MALRD1: variants seen among roughly 807,000 people sequenced by gnomAD.
The protein encoded by MALRD1 is MAM and LDL receptor class A domain containing 1.
Under a neutral mutation model 242.1 loss-of-function variants are expected in MALRD1, and 247 were observed. The observed-to-expected ratio is 1.02, with a 90% CI of 0.92 to 1.13. MALRD1 has a LOEUF of 1.13. MALRD1 is among the 50% of genes most tolerant of loss of function. The pLI is 0.00. For synonymous variants in MALRD1, 995 were observed against 866.6 expected, an observed-to-expected ratio of 1.15 and a Z score of -2.60; for missense variants, 2,989 against 2,533.1, an observed-to-expected ratio of 1.18 and a Z score of -3.86.
At chr10:19,394,117 T>G (rs1846468756) in intron 28 of MALRD1, among the ~76,000 whole-genome samples, 1 of 152,200 alleles carries the variant, frequency 6.6e-6, no homozygotes, top group African/African-American at 2.4e-5. Flanking sequence ...AAGCCAGAAG[T>G]GGAGAAAAAT....
intron 19 of MALRD1, among the ~76,000 whole-genome samples, chr10:19,260,360 T>C (rs1839693185): frequency 6.6e-6 from 1 of 152,168 alleles, no homozygotes; most frequent in Non-Finnish European, 1.5e-5. Flanking sequence ...TGTCTCTGTT[T>C]CACGTGGTCC....
At chr10:19,189,040 G>A (rs757692661) in intron 14 of MALRD1, among the ~76,000 whole-genome samples, 43 of 152,072 alleles carry the variant, frequency 2.8e-4, no homozygotes, top group African/African-American at 9.9e-4. Context: ...TAGGGAGAGA[G>A]AGAAAGGGAG....
intron 33 of MALRD1, among the ~76,000 whole-genome samples, chr10:19,575,137 C>A (rs78409339): frequency 0.066 from 10,030 of 152,106 alleles, 1,034 homozygotes; most frequent in African/African-American, 0.22. Flanking sequence ...TGAATTGCCC[C>A]GTTTCACTTA....
chr10:19,165,279 TG>T (rs1211068772), intron 12 of MALRD1, among the ~76,000 whole-genome samples: 31 of 86,796 alleles, frequency 3.6e-4, no homozygotes, highest in Non-Finnish European at 4.4e-5. Flanking sequence ...TGTTTTGTTT[TG>T]TTTTTGTTTT....
At position 19,165,692 on chromosome 10, in the gene MALRD1, C is replaced by G. The variant is rs1431923373; in HGVS notation, c.1712C>G (p.Thr571Arg). Residue 571 changes from threonine to arginine, a missense_variant, in exon 13 of 40, where the codon ACG becomes AGG. Physicochemically the swap from Thr to Arg is moderately conservative, Grantham distance 71 (BLOSUM62 -1). Coordinates refer to ENST00000454679, the MANE Select transcript of MALRD1 (RefSeq NM_001142308.3). ...QHSNLSVFTR[T>R]SLDGNLQKQG... ...TCAAATCTCTCAGTTTTTACAAGAA[C>G]GTCTCTAGATGGAAACTTGCAAAAG... 4 of 1,231,534 alleles carry G rather than the reference C, an allele frequency of 3.2e-6. No homozygotes were observed. Among genetic ancestry groups the G allele is most frequent in the Non-Finnish European group, 4.0e-6 (4 of 987,870 alleles). The allele number at this position is 1,231,534 out of a possible 1,614,324, so 76.3% of individuals were successfully genotyped here. A position where few individuals can be genotyped will look rare whatever the true frequency, so the allele number is the denominator to read the frequency against.
Position 19,531,249 on chromosome 10 carries a change from T to C in MALRD1, c.5376T>C (p.Val1792=). 1 of 1,550,478 alleles carries C rather than the reference T, an allele frequency of 6.4e-7. No homozygotes were observed. Among genetic ancestry groups the C allele is most frequent in the Non-Finnish European group, 8.7e-7 (1 of 1,146,922 alleles). ...CATCTGGCTCCAAGGAAGGATCCGT[T>C]GCCAGAATTACTACTTCCAAATCCT... ...VNSSGSKEGS[V]ARITTSKSFP... is the part of the protein sequence containing the mutation. Residue 1792 remains valine (V), a synonymous_variant, in exon 32 of 40, where the codon GTT becomes GTC. Coordinates refer to ENST00000454679, the MANE Select transcript of MALRD1 (RefSeq NM_001142308.3).
chr10:19,454,751 T>A (rs1472023230), intron 29 of MALRD1, among the ~76,000 whole-genome samples: 2 of 129,306 alleles, frequency 1.5e-5, no homozygotes, highest in African/African-American at 6.1e-5. Context: ...CACACACACA[T>A]TATATGTACC....
intron 8 of MALRD1, among the ~76,000 whole-genome samples, chr10:19,129,733 T>C (rs1174150164): frequency 6.7e-6 from 1 of 148,510 alleles, no homozygotes; most frequent in Non-Finnish European, 1.5e-5. Flanking sequence ...AAATAATATA[T>C]AATGTATAAT....
intron 38 of MALRD1, among the ~76,000 whole-genome samples, chr10:19,713,887 A>G (rs1303587347): frequency 1.3e-5 from 2 of 152,196 alleles, no homozygotes; most frequent in Non-Finnish European, 2.9e-5. Flanking sequence ...GAAATGGGAA[A>G]AGTCCCTTTA....
In MALRD1 at chr10:19,236,650, A is replaced by G. The variant is rs370244194; in HGVS notation, c.2992-21034A>G. Among the ~76,000 whole-genome samples the G allele has an allele frequency of 2.5e-4, 38 of 152,218 alleles. 2 individuals carry two copies. The highest frequency in any genetic ancestry group is 1.3e-3 in the East Asian group (7 of 5,186). On this transcript the variant is annotated intron_variant, in intron 18 of 39. Coordinates refer to ENST00000454679, the MANE Select transcript of MALRD1 (RefSeq NM_001142308.3). The stretch of plus-strand genomic sequence containing the variant: ...ATCAGGGAAAATAATTGTATATCCC[A>G]TTTCAAAAGCACATAAAAAGGAAGG...
At position 19,205,021 on chromosome 10, in the gene MALRD1, C is replaced by G. The variant is rs562475621; in HGVS notation, c.2334C>G (p.Thr778=). 6.4e-7 allele frequency: 1 copy of G among 1,550,818 alleles called. No homozygotes were observed. The highest frequency in any genetic ancestry group is 8.7e-7 in the Non-Finnish European group (1 of 1,147,008). The change falls in exon 17 of 40, where the codon ACC becomes ACG. Residue 778 remains threonine (T), a synonymous_variant. Coordinates refer to ENST00000454679, the MANE Select transcript of MALRD1 (RefSeq NM_001142308.3). ...YNQGKQWLEA[T]IQLGRLSQPF... ...AGGGCAAACAATGGTTGGAGGCAAC[C>G]ATTCAGCTAGGGCGCCTTTCGCAGC...
At chr10:19,719,155 T>TATATATATATATATACATAC (rs1428514938) in intron 38 of MALRD1, among the ~76,000 whole-genome samples, 1 of 91,500 alleles carries the variant, frequency 1.1e-5, no homozygotes, top group Admixed American at 1.2e-4. Context: ...CTGTCCAAAT[T>TATATATATATATATACATAC]ATATATATAT....
At chr10:19,244,930 A>G (rs1462174754) in intron 18 of MALRD1, among the ~76,000 whole-genome samples, 1 of 152,186 alleles carries the variant, frequency 6.6e-6, no homozygotes, top group Non-Finnish European at 1.5e-5. Context: ...GTAGGTGGCC[A>G]GTGAACTAAG....
At chr10:19,501,068 G>T (rs1837945319) in intron 31 of MALRD1, among the ~76,000 whole-genome samples, 1 of 152,120 alleles carries the variant, frequency 6.6e-6, no homozygotes, top group South Asian at 2.1e-4. Context: ...GGAGTTGGGA[G>T]GATGGCCTGT....
At chr10:19,683,666 G>A (rs1385659837) in intron 36 of MALRD1, among the ~76,000 whole-genome samples, 1 of 152,154 alleles carries the variant, frequency 6.6e-6, no homozygotes, top group Non-Finnish European at 1.5e-5. Flanking sequence ...GACCTTTACA[G>A]CCAGAAATTT....
At chr10:19,592,548 A>T (rs1837851591) in intron 33 of MALRD1, among the ~76,000 whole-genome samples, 1 of 152,232 alleles carries the variant, frequency 6.6e-6, no homozygotes, top group South Asian at 2.1e-4. Context: ...AAAGCTGGGC[A>T]GTACAAGCCA....
rs568054114 is a variant in MALRD1 at position 19,646,061 on chromosome 10, T to TA, written c.6137+30141dup. ...TAGAAAAAGCAAATTATTTTTATAA[T>TA]AAACATGGATAAAGTTTTTTCAAAA... is the stretch of plus-strand genomic sequence containing the variant. On this transcript the variant is annotated intron_variant, in intron 36 of 39. Transcript: ENST00000454679. Among the ~76,000 whole-genome samples, 145 of 152,338 alleles carry TA rather than the reference T, an allele frequency of 9.5e-4. 1 individual carries two copies. Among genetic ancestry groups the TA allele is most frequent in the Non-Finnish European group, 1.5e-3 (105 of 68,024 alleles).
chr10:19,613,633 T>C (rs1839002024), intron 35 of MALRD1, among the ~76,000 whole-genome samples: 1 of 152,106 alleles, frequency 6.6e-6, no homozygotes. Context: ...AATTTTAGTC[T>C]TGGTCTTTCT....
intron 24 of MALRD1, among the ~76,000 whole-genome samples, chr10:19,344,168 T>C (rs1844003775): frequency 6.6e-6 from 1 of 152,092 alleles, no homozygotes; most frequent in Non-Finnish European, 1.5e-5. Flanking sequence ...GTTGATGAAG[T>C]TCAATGTATT....
Sources: allele counts gnomAD v4.1 joint callset (sites outside exome capture counted in the v4.1 genomes callset), GRCh38; gene constraint gnomAD v4.1.1; transcripts MANE v1.5; gene names NCBI Gene and HGNC (gene_info 2026-07-23, HGNC 2026-07-21).